Variants in PTH2R observed in about 807,000 individuals in gnomAD.
PTH2R encodes PTH2 receptor.
PTH2R carries 59 observed loss-of-function variants against 60.3 expected under a neutral mutation model. That is an observed-to-expected ratio of 0.98 (90% CI 0.79 to 1.22). PTH2R has a LOEUF of 1.22. Among genes scored for constraint, PTH2R ranks in the 50% most tolerant of loss-of-function variants. The pLI is 0.00. For synonymous variants in PTH2R, 256 were observed against 243.8 expected, an observed-to-expected ratio of 1.05 and a Z score of -0.47; for missense variants, 749 against 682.6, an observed-to-expected ratio of 1.10 and a Z score of -1.08.
At chr2:208,360,050 T>C (rs1015832894) in exon 1 of PTH2R, 19 of 353,940 alleles carry the variant, frequency 5.4e-5, no homozygotes, top group African/African-American at 3.4e-4. Context: ...AGAGGAATTA[T>C]CTGATAAAAT....
At chr2:208,415,770 A>G (rs1701628776) in intron 1 of PTH2R, among the ~76,000 whole-genome samples, 1 of 152,226 alleles carries the variant, frequency 6.6e-6, no homozygotes, top group African/African-American at 2.4e-5. Context: ...AAGATGAGAT[A>G]TCACATAACT....
intron 1 of PTH2R, among the ~76,000 whole-genome samples, chr2:208,383,742 G>C (rs1425674493): frequency 6.6e-6 from 1 of 152,212 alleles, no homozygotes; most frequent in Non-Finnish European, 1.5e-5. Flanking sequence ...ATGGGTGTGA[G>C]GGCTGGCATT....
chr2:208,404,735 C>G (rs984056426), upstream of PTH2R, among the ~76,000 whole-genome samples: 1 of 152,066 alleles, frequency 6.6e-6, no homozygotes, highest in East Asian at 1.9e-4. Context: ...TTGGGGAGTA[C>G]CTTTTCTCTT....
At chr2:208,412,360 G>A (rs140793453) in intron 1 of PTH2R, among the ~76,000 whole-genome samples, 1 of 152,322 alleles carries the variant, frequency 6.6e-6, no homozygotes, top group Non-Finnish European at 1.5e-5. Flanking sequence ...TAGAACATTG[G>A]CCACTGCTGC....
Position 208,481,144 on chromosome 2 carries a change from T to C in PTH2R, c.1056T>C (p.His352=). The C allele has an allele frequency of 6.2e-7, 1 of 1,609,586 alleles. No individual in the cohort carries two copies. The highest frequency in any genetic ancestry group is 8.5e-7 in the Non-Finnish European group (1 of 1,176,216). The part of the protein sequence containing the change: ...TKIWETNAVG[H]DTRKQYRKLA... Reference sequence around the variant, plus strand: ...TCTGGGAGACCAATGCAGTTGGGCATGACACAAGGAAGCAATACAGGTAAT... The same window carrying C: ...TCTGGGAGACCAATGCAGTTGGGCACGACACAAGGAAGCAATACAGGTAAT... Residue 352 remains histidine (H), a synonymous_variant, in exon 10 of 13, where the codon CAT becomes CAC. Transcript: ENST00000272847.
chr2:208,389,273 A>G (rs1026463235), intron 1 of PTH2R, among the ~76,000 whole-genome samples: 2 of 147,856 alleles, frequency 1.4e-5, no homozygotes, highest in African/African-American at 5.2e-5. Flanking sequence ...CACACAATCT[A>G]TTGAGGAAAA....
intron 1 of PTH2R, among the ~76,000 whole-genome samples, chr2:208,397,151 G>C (rs1701225668): frequency 6.6e-6 from 1 of 152,044 alleles, no homozygotes; most frequent in Non-Finnish European, 1.5e-5. Context: ...GCTGGCGCCT[G>C]TTGTGGGGTG....
intron 9 of PTH2R, among the ~76,000 whole-genome samples, chr2:208,475,536 A>G (rs561127332): frequency 1.3e-5 from 2 of 152,304 alleles, no homozygotes; most frequent in East Asian, 1.9e-4. Flanking sequence ...TGGCAACTCC[A>G]TAAAAATAAT....
chr2:208,450,847 T>C (rs1702392877), intron 8 of PTH2R, 38 bp downstream of exon 8: 10 of 1,601,368 alleles, frequency 6.2e-6, no homozygotes, highest in African/African-American at 2.7e-5. Context: ...GAACCTCAGA[T>C]GTTCTCAAGA....
At chr2:208,377,920 C>A (rs965372858) in intron 1 of PTH2R, among the ~76,000 whole-genome samples, 1 of 151,670 alleles carries the variant, frequency 6.6e-6, no homozygotes, top group Non-Finnish European at 1.5e-5. Context: ...CTCCTCACAT[C>A]CCAGACGATG....
intron 1 of PTH2R, among the ~76,000 whole-genome samples, chr2:208,382,970 G>T (rs1700943182): frequency 6.6e-6 from 1 of 152,206 alleles, no homozygotes; most frequent in Non-Finnish European, 1.5e-5. Context: ...GGATGTGGGG[G>T]GTCTGACATC....
intron 1 of PTH2R, chr2:208,360,988 C>T: frequency 4.4e-6 from 1 of 226,398 alleles, no homozygotes; most frequent in Non-Finnish European, 9.3e-6. Flanking sequence ...GATGGTGGAG[C>T]CAATGGGCTT....
chr2:208,361,462 A>G (rs888292976), intron 1 of PTH2R: 1 of 152,212 alleles, frequency 6.6e-6, no homozygotes, highest in Non-Finnish European at 1.5e-5. Context: ...TGAAGTAAAA[A>G]ATGCATAATG....
At chr2:208,394,391 C>T (rs1430454793) in intron 1 of PTH2R, among the ~76,000 whole-genome samples, 1 of 152,188 alleles carries the variant, frequency 6.6e-6, no homozygotes, top group African/African-American at 2.4e-5. Context: ...TAGTCTGCTT[C>T]CTTTCAGTAT....
chr2:208,362,796 C>A (rs777919342), intron 1 of PTH2R, among the ~76,000 whole-genome samples: 1 of 151,810 alleles, frequency 6.6e-6, no homozygotes, highest in Non-Finnish European at 1.5e-5. Context: ...ACCAAGAGTG[C>A]ACAGGGTTTC....
chr2:208,423,928 C>T (rs982306988), intron 1 of PTH2R, among the ~76,000 whole-genome samples: 1 of 152,184 alleles, frequency 6.6e-6, no homozygotes, highest in Admixed American at 6.5e-5. Context: ...CACCTTATTA[C>T]TGCTCATAGA....
intron 1 of PTH2R, among the ~76,000 whole-genome samples, chr2:208,376,113 TCA>T (rs1216694389): frequency 2.0e-5 from 3 of 152,140 alleles, no homozygotes; most frequent in African/African-American, 7.2e-5. Context: ...CACTGCCATT[TCA>T]CAGTGTAACA....
intron 1 of PTH2R, among the ~76,000 whole-genome samples, chr2:208,368,291 C>T (rs1193631369): frequency 6.6e-6 from 1 of 152,158 alleles, no homozygotes; most frequent in African/African-American, 2.4e-5. Flanking sequence ...TGTCCCATAA[C>T]ATATTTCTCA....
intron 1 of PTH2R, among the ~76,000 whole-genome samples, chr2:208,364,655 C>A (rs974514796): frequency 6.6e-6 from 1 of 151,930 alleles, no homozygotes; most frequent in Non-Finnish European, 1.5e-5. Context: ...CTCTTAGGGC[C>A]CTTTGAGATT....
Sources: gnomAD v4.1 joint callset for allele counts (sites outside exome capture counted in the v4.1 genomes callset) on GRCh38, gnomAD v4.1.1 for gene constraint, MANE v1.5 for transcripts, NCBI Gene and HGNC (gene_info 2026-07-23, HGNC 2026-07-21) for gene names.